The following RWDD2B variants were observed in gnomAD, a reference collection of about 807,000 sequenced individuals.
RWDD2B encodes RWD domain-containing protein 2B.
A neutral mutation model predicts 33.6 loss-of-function variants in RWDD2B; 36 were observed. That is an observed-to-expected ratio of 1.07 (90% CI 0.82 to 1.42). The LOEUF (loss-of-function observed/expected upper bound fraction) is 1.42, where lower values mean the gene tolerates loss of function less well. Among genes scored for constraint, RWDD2B ranks in the 40% most tolerant of loss-of-function variants. RWDD2B has a pLI of 0.00. For missense variants in RWDD2B, 364 were observed against 377.5 expected (o/e 0.96, Z 0.30); for synonymous variants, 126 against 133.1 (o/e 0.95, Z 0.37).
At chr21:29,012,772 A>T (rs75148379) in intron 1 of RWDD2B, among the ~76,000 whole-genome samples, 2 of 55,214 alleles carry the variant, frequency 3.6e-5, no homozygotes, top group Admixed American at 1.9e-4. Flanking sequence ...TGATCAATTA[A>T]AAAAAAAAAA....
At chr21:29,008,144 A>G (rs1220660494) in intron 3 of RWDD2B, 21 bp from the exon 4 acceptor site, 1 of 1,610,380 alleles carries the variant, frequency 6.2e-7, no homozygotes, top group African/African-American at 1.3e-5. Context: ...AGATACAAGA[A>G]AAATATTGTC....
At chr21:29,010,642 A>C (rs118017152) in intron 1 of RWDD2B, among the ~76,000 whole-genome samples, 7,228 of 145,944 alleles carry the variant, frequency 0.05, 234 homozygotes, top group Non-Finnish European at 0.074. Context: ...ACCAAAAAAA[A>C]CCCTCTCCCT....
At chr21:29,016,706 TTTG>T (rs149243002) in intron 1 of RWDD2B, among the ~76,000 whole-genome samples, 1 of 152,364 alleles carries the variant, frequency 6.6e-6, no homozygotes, top group East Asian at 1.9e-4. Context: ...AATGGTTTAC[TTTG>T]TTTTTTTGTT....
At chr21:29,013,422 G>C (rs1306324805) in intron 1 of RWDD2B, among the ~76,000 whole-genome samples, 1 of 152,134 alleles carries the variant, frequency 6.6e-6, no homozygotes, top group Non-Finnish European at 1.5e-5. Flanking sequence ...TGGCGCGGTA[G>C]CTCACGCCTG....
At chr21:29,017,361 C>G (rs1463356459) in intron 1 of RWDD2B, among the ~76,000 whole-genome samples, 2 of 151,954 alleles carry the variant, frequency 1.3e-5, no homozygotes, top group Non-Finnish European at 2.9e-5. Context: ...CCTGTAATCC[C>G]AGCACTTTGG....
At position 29,011,610 on chromosome 21, in the gene RWDD2B, G is replaced by A. The variant is rs1270531573; in HGVS notation, c.68-2989C>T. ...GGTGGGGGGGGTCAGCCCCCCACCC[G>A]GCCAGCCGCCCCGTCCGGGAGGGAG... On this transcript the variant is annotated intron_variant, in intron 1 of 4. Coordinates refer to ENST00000493196, the MANE Select transcript of RWDD2B (RefSeq NM_016940.3). Among the ~76,000 whole-genome samples, 38 of 144,438 alleles carry A rather than the reference G, an allele frequency of 2.6e-4. No homozygotes were observed. In the South Asian group the frequency reaches 7.6e-3, roughly 29 times the overall value. 94.8% of individuals were successfully genotyped at this position (144,438 alleles called of 152,430 possible). A position where few individuals can be genotyped will look rare whatever the true frequency, so the allele number is the denominator to read the frequency against.
chr21:29,015,119 A>G (rs2084883264), intron 1 of RWDD2B, among the ~76,000 whole-genome samples: 2 of 151,742 alleles, frequency 1.3e-5, no homozygotes, highest in Admixed American at 1.3e-4. Flanking sequence ...CTGATGAGAA[A>G]TCACTCTCAT....
At position 29,019,320 on chromosome 21, in the gene RWDD2B, T is replaced by C. The variant is rs762288800; in HGVS notation, c.-43A>G. On this transcript the variant is annotated 5_prime_UTR_variant, in exon 1 of 5. Coordinates refer to ENST00000493196, the MANE Select transcript of RWDD2B (RefSeq NM_016940.3). Reference sequence around the variant, plus strand: ...ATTCTAGCATACTGCGACCCAAAACTTACAAACCGCCTCAGCTGGCGACCT... The same window carrying C: ...ATTCTAGCATACTGCGACCCAAAACCTACAAACCGCCTCAGCTGGCGACCT... 1.4e-6 allele frequency: 2 copies of C among 1,440,384 alleles called. No homozygotes were observed. The highest frequency in any genetic ancestry group is 1.2e-5 in the South Asian group (1 of 82,650). 89.2% of individuals were successfully genotyped at this position (1,440,384 alleles called of 1,614,324 possible).
intron 1 of RWDD2B, among the ~76,000 whole-genome samples, chr21:29,011,990 G>T (rs1601022313): frequency 2.2e-5 from 3 of 133,628 alleles, no homozygotes; most frequent in Admixed American, 7.2e-5. Context: ...GGAGGGAGGT[G>T]GGGGGGTCAG....
chr21:29,012,084 T>C (rs2084865723), intron 1 of RWDD2B, among the ~76,000 whole-genome samples: 2 of 133,780 alleles, frequency 1.5e-5, no homozygotes, highest in East Asian at 2.4e-4. Flanking sequence ...GGAGCCCCTC[T>C]GCCCGGCCAG....
At position 29,006,283 on chromosome 21, in the gene RWDD2B, C is replaced by T. The variant is rs902159269; in HGVS notation, c.*134G>A. 1.7e-6 allele frequency: 1 copy of T among 572,702 alleles called. No homozygotes were observed. Among genetic ancestry groups the T allele is most frequent in the Admixed American group, 3.5e-5 (1 of 28,536 alleles). The allele number at this position is 572,702 out of a possible 1,614,324, so 35.5% of individuals were successfully genotyped here. A position where few individuals can be genotyped will look rare whatever the true frequency, so the allele number is the denominator to read the frequency against. The stretch of plus-strand genomic sequence containing the variant: ...TTTTAACAGATGCATTTCAGCTATA[C>T]TATTTTTTCTTGTGCCCCACTCCCC... On this transcript the variant is annotated 3_prime_UTR_variant, in exon 5 of 5. Coordinates refer to ENST00000493196, the MANE Select transcript of RWDD2B (RefSeq NM_016940.3).
intron 4 of RWDD2B, among the ~76,000 whole-genome samples, chr21:29,007,095 T>C (rs2084832339): frequency 6.6e-6 from 1 of 152,190 alleles, no homozygotes; most frequent in African/African-American, 2.4e-5. Flanking sequence ...AGTATATCAG[T>C]AGAGAAATGA....
At chr21:29,011,081 G>A (rs1017311842) in intron 1 of RWDD2B, among the ~76,000 whole-genome samples, 55 of 151,908 alleles carry the variant, frequency 3.6e-4, no homozygotes, top group Admixed American at 5.9e-4. Context: ...GCCTCTGCCC[G>A]GCCGCCACCC....
chr21:29,011,229 C>A (rs1234160617), intron 1 of RWDD2B, among the ~76,000 whole-genome samples: 1 of 151,666 alleles, frequency 6.6e-6, no homozygotes, highest in African/African-American at 2.4e-5. Flanking sequence ...TGAGGAGCGC[C>A]TCTTCCCAGC....
rs71189334 is a variant in RWDD2B, at chr21:29,015,224, GT to G, written c.67+3986del. 8.8e-3 allele frequency among the ~76,000 whole-genome samples: 570 copies of G among 64,774 alleles called. 1 individual carries two copies. The highest frequency in any genetic ancestry group is 0.044 in the East Asian group (85 of 1,932). The allele number at this position is 64,774 out of a possible 152,430, so 42.5% of individuals were successfully genotyped here. A position where few individuals can be genotyped will look rare whatever the true frequency, so the allele number is the denominator to read the frequency against. ...GTTTTCAGAAGTTTGATTATGATGC[GT>G]TTTTTTTTTTTTTTTTTTTTTTGAG... On this transcript the variant is annotated intron_variant, in intron 1 of 4. Transcript: ENST00000493196.
At position 29,018,931 on chromosome 21, in the gene RWDD2B, G is replaced by C. The variant is rs533954881; in HGVS notation, c.67+280C>G. ...CTTGCAGATTTTTTTTTGAAGAACA[G>C]AGCAGGGTACCCCGCGACCCAAGCC... On this transcript the variant is annotated intron_variant, in intron 1 of 4. Transcript: ENST00000493196. Among the ~76,000 whole-genome samples, 343 of 152,194 alleles carry C rather than the reference G, an allele frequency of 2.3e-3. 3 individuals carry two copies. The highest frequency in any genetic ancestry group is 7.3e-3 in the African/African-American group (305 of 41,504).
At position 29,019,337 on chromosome 21, in the gene RWDD2B, T is replaced by C. The variant is rs371397677; in HGVS notation, c.-60A>G. On this transcript the variant is annotated 5_prime_UTR_variant, in exon 1 of 5. Transcript: ENST00000493196. ...CCCAAAACTTACAAACCGCCTCAGC[T>C]GGCGACCTACCGGAAAAAAAAAAAA... The C allele has an allele frequency of 1.2e-3, 1,495 of 1,242,158 alleles. 2 individuals carry two copies. The highest frequency in any genetic ancestry group is 1.1e-3 in the Non-Finnish European group (1,025 of 902,396). The allele number at this position is 1,242,158 out of a possible 1,614,324, so 76.9% of individuals were successfully genotyped here.
At chr21:29,010,843 T>G (rs2084854208) in intron 1 of RWDD2B, among the ~76,000 whole-genome samples, 3 of 151,984 alleles carry the variant, frequency 2.0e-5, no homozygotes, top group African/African-American at 2.4e-5. Flanking sequence ...GGTTTTCGTA[T>G]TTTTTTGGTG....
chr21:29,015,375 C>T (rs780841073), intron 1 of RWDD2B, among the ~76,000 whole-genome samples: 4 of 151,130 alleles, frequency 2.6e-5, no homozygotes, highest in South Asian at 2.1e-4. Context: ...GGATTACAGG[C>T]GCACACCACT....
Sources: allele counts gnomAD v4.1 joint callset (sites outside exome capture counted in the v4.1 genomes callset), GRCh38; gene constraint gnomAD v4.1.1; transcripts MANE v1.5; gene names NCBI Gene and HGNC (gene_info 2026-07-23, HGNC 2026-07-21).